Variants in KIAA1549 observed in about 807,000 individuals in gnomAD.
The protein encoded by KIAA1549 is KIAA1549.
A neutral mutation model predicts 156.4 loss-of-function variants in KIAA1549; 70 were observed. The observed-to-expected ratio is 0.45, with a 90% CI of 0.37 to 0.55. KIAA1549 has a LOEUF of 0.55. KIAA1549 is among the 20% of genes least tolerant of loss of function. KIAA1549 has a pLI of 0.00. For missense variants in KIAA1549, 2,428 were observed against 2,540.9 expected (o/e 0.96, Z 0.96); for synonymous variants, 1,103 against 1,066.4 (o/e 1.03, Z -0.67).
intron 1 of KIAA1549, among the ~76,000 whole-genome samples, chr7:138,953,559 T>C (rs1005469455): frequency 1.3e-5 from 2 of 151,430 alleles, no homozygotes; most frequent in African/African-American, 2.4e-5. Flanking sequence ...AAAAACAAAA[T>C]ATGAAAGAAA....
chr7:138,907,166 T>C (rs1323480522), intron 5 of KIAA1549, 64 bp from the exon 6 acceptor site: 2 of 1,317,200 alleles, frequency 1.5e-6, no homozygotes, highest in Non-Finnish European at 2.0e-6. Context: ...TTAACCATGA[T>C]TTCTCTCTCA....
At chr7:138,927,698 A>G (rs977267762) in intron 1 of KIAA1549, among the ~76,000 whole-genome samples, 1 of 152,176 alleles carries the variant, frequency 6.6e-6, no homozygotes, top group African/African-American at 2.4e-5. Context: ...AACTTCACTA[A>G]ATTTCTCAAA....
chr7:138,891,130 C>G (rs1811534426), intron 10 of KIAA1549, among the ~76,000 whole-genome samples: 1 of 152,256 alleles, frequency 6.6e-6, no homozygotes, highest in South Asian at 2.1e-4. Context: ...ATGGCTCGTC[C>G]TTCTCCCTTG....
At chr7:138,947,658 T>C (rs941241530) in intron 1 of KIAA1549, among the ~76,000 whole-genome samples, 4 of 152,216 alleles carry the variant, frequency 2.6e-5, no homozygotes, top group African/African-American at 7.2e-5. Flanking sequence ...TGCTAACATC[T>C]GAAGGCAAAA....
rs556763099 is a variant in KIAA1549 at position 138,833,652 on chromosome 7, T to G, written c.*4254A>C. ...TAGCAGTAAAGAAGCTGAATATATA[T>G]ATAGATAGATAGACAGATACATAGA... On this transcript the variant is annotated 3_prime_UTR_variant, in exon 20 of 20. Transcript: ENST00000422774. The G allele has an allele frequency of 1.6e-4, 37 of 232,400 alleles. No homozygotes were observed. The highest frequency in any genetic ancestry group is 1.3e-3 in the East Asian group (22 of 16,484). 14.4% of individuals were successfully genotyped at this position (232,400 alleles called of 1,614,324 possible).
intron 10 of KIAA1549, among the ~76,000 whole-genome samples, chr7:138,883,119 T>TAAAAAAAAA (rs1811294025): frequency 4.7e-5 from 3 of 63,490 alleles, no homozygotes; most frequent in African/African-American, 3.1e-4. Context: ...AAAAAAAAAT[T>TAAAAAAAAA]CAGCCAGACA....
chr7:138,885,404 G>C (rs1164297928), intron 10 of KIAA1549, among the ~76,000 whole-genome samples: 2 of 152,108 alleles, frequency 1.3e-5, no homozygotes, highest in African/African-American at 4.8e-5. Flanking sequence ...CTAGCAGCAT[G>C]ACCCATAAAA....
At chr7:138,947,924 A>G (rs778513240) in intron 1 of KIAA1549, among the ~76,000 whole-genome samples, 3 of 151,934 alleles carry the variant, frequency 2.0e-5, no homozygotes, top group Non-Finnish European at 4.4e-5. Context: ...CACGAAGCCA[A>G]GCTAATTTTC....
At chr7:138,886,928 G>A (rs1811408220) in intron 10 of KIAA1549, among the ~76,000 whole-genome samples, 1 of 151,680 alleles carries the variant, frequency 6.6e-6, no homozygotes, top group South Asian at 2.1e-4. Context: ...TTGAGATGGA[G>A]TCTCACTCTG....
chr7:138,964,476 CG>C (rs1563096146), intron 1 of KIAA1549, among the ~76,000 whole-genome samples: 1 of 152,122 alleles, frequency 6.6e-6, no homozygotes, highest in Non-Finnish European at 1.5e-5. Flanking sequence ...AATTGTTGCA[CG>C]GATTAAACAA....
chr7:138,840,133 G>T lies in KIAA1549; in HGVS notation c.5598C>A (p.Ala1866=). 1.3e-6 allele frequency: 2 copies of T among 1,550,824 alleles called. No homozygotes were observed. The highest frequency in any genetic ancestry group is 1.7e-6 in the Non-Finnish European group (2 of 1,146,472). ...YGEDEAGRRE[A]THMLGHQEYS... ...GATGACCCAAACAGGAGATACTCACGGCCTCTCTTCGCCCCGCTTCGTCCT... is the reference window on the plus strand; with the variant it reads ...GATGACCCAAACAGGAGATACTCACTGCCTCTCTTCGCCCCGCTTCGTCCT... Residue 1866 remains alanine, a splice_region_variant and synonymous_variant, in exon 19 of 20, where the codon GCC becomes GCA. Transcript: ENST00000422774.
intron 15 of KIAA1549, among the ~76,000 whole-genome samples, chr7:138,863,448 T>G (rs1810646729): frequency 6.6e-6 from 1 of 152,064 alleles, no homozygotes; most frequent in Non-Finnish European, 1.5e-5. Context: ...GATCAGTTAT[T>G]ATTCCTGCCA....
At chr7:138,915,447 T>A (rs958702570) in intron 2 of KIAA1549, among the ~76,000 whole-genome samples, 2 of 152,088 alleles carry the variant, frequency 1.3e-5, no homozygotes. Context: ...CCCTTTGGCG[T>A]GTGGGGAGCA....
Position 138,899,102 on chromosome 7 carries a change from C to T in KIAA1549, c.3700G>A (p.Asp1234Asn), listed in dbSNP as rs745403204. Residue 1234 changes from aspartate (D) to asparagine (N), a missense_variant, in exon 9 of 20, where the codon GAC becomes AAC. Asp to Asn is a conservative substitution (Grantham distance 23, BLOSUM62 1). This residue lies in a region of KIAA1549 where 762 missense variants were observed against 901.6 expected (regional missense o/e 0.85). Transcript: ENST00000422774. ...VVNVSRLEGD[D>N]NPVQLIYFVE... ...AAGTAGATGAGCTGTACCGGATTGT[C>T]ATCTCCCTCCAGCCTCGACACATTT... is the stretch of plus-strand genomic sequence containing the variant. 1.2e-6 allele frequency: 2 copies of T among 1,613,882 alleles called. No individual in the cohort carries two copies. Among genetic ancestry groups the T allele is most frequent in the Non-Finnish European group, 1.7e-6 (2 of 1,179,788 alleles).
At chr7:138,864,085 C>T (rs1810666843) in intron 15 of KIAA1549, among the ~76,000 whole-genome samples, 1 of 152,182 alleles carries the variant, frequency 6.6e-6, no homozygotes, top group African/African-American at 2.4e-5. Flanking sequence ...GGAAGAACAG[C>T]CCACTGGTAA....
chr7:138,950,891 G>A (rs1289229941), intron 1 of KIAA1549, among the ~76,000 whole-genome samples: 4 of 151,814 alleles, frequency 2.6e-5, no homozygotes, highest in Non-Finnish European at 5.9e-5. Flanking sequence ...TTCATCAGAC[G>A]CTCTCTCTAC....
At chr7:138,963,291 T>C (rs534558564) in intron 1 of KIAA1549, among the ~76,000 whole-genome samples, 1 of 152,274 alleles carries the variant, frequency 6.6e-6, no homozygotes, top group East Asian at 1.9e-4. Flanking sequence ...AGGAGAGAGA[T>C]GAAGGGCAAG....
intron 10 of KIAA1549, among the ~76,000 whole-genome samples, chr7:138,884,906 A>G (rs1811346495): frequency 6.6e-6 from 1 of 152,206 alleles, no homozygotes; most frequent in Non-Finnish European, 1.5e-5. Flanking sequence ...TAAAATGTTT[A>G]TGTGGAGGGC....
intron 10 of KIAA1549, among the ~76,000 whole-genome samples, chr7:138,887,173 G>C (rs1351628579): frequency 6.6e-6 from 1 of 151,910 alleles, no homozygotes; most frequent in Non-Finnish European, 1.5e-5. Flanking sequence ...GCCTCCCAAA[G>C]TGCTGGCATT....
Sources: allele counts gnomAD v4.1 joint callset (sites outside exome capture counted in the v4.1 genomes callset), GRCh38; gene constraint gnomAD v4.1.1; regional missense constraint gnomAD v4.1.1; transcripts MANE v1.5; gene names NCBI Gene and HGNC (gene_info 2026-07-23, HGNC 2026-07-21).